PAK4: variants seen among roughly 807,000 people sequenced by gnomAD.
The protein encoded by PAK4 is p21 (RAC1) activated kinase 4.
A neutral mutation model predicts 53.5 loss-of-function variants in PAK4; 49 were observed. The ratio of observed to expected loss-of-function variants is 0.92; its 90% confidence interval spans 0.73 to 1.16. The LOEUF is 1.16. PAK4 is among the 50% of genes most tolerant of loss of function. PAK4 has a pLI of 0.00. For missense variants in PAK4, 824 were observed against 850.7 expected, an observed-to-expected ratio of 0.97 and a Z score of 0.39; for synonymous variants, 376 against 375.6, an observed-to-expected ratio of 1.00 and a Z score of -0.01.
chr19:39,170,277 G>C (rs1189101814), intron 2 of PAK4, among the ~76,000 whole-genome samples: 3 of 152,200 alleles, frequency 2.0e-5, no homozygotes, highest in Non-Finnish European at 4.4e-5. Flanking sequence ...AGGAGGAGGA[G>C]AAATTCCAGC....
chr19:39,162,548 G>A (rs976503249), intron 1 of PAK4, among the ~76,000 whole-genome samples: 3 of 152,130 alleles, frequency 2.0e-5, no homozygotes, highest in African/African-American at 7.2e-5. Context: ...GATTACAGGC[G>A]TGAACCACCG....
In PAK4 at chr19:39,161,113, G is replaced by A. The variant is rs2074277241; in HGVS notation, c.-22-8419G>A. Among the ~76,000 whole-genome samples, 1 of 152,230 alleles carries A rather than the reference G, an allele frequency of 6.6e-6. No homozygotes were observed. The highest frequency in any genetic ancestry group is 2.4e-5 in the African/African-American group (1 of 41,460). On this transcript the variant is annotated intron_variant, in intron 1 of 8. Transcript: ENST00000358301. The surrounding 1 kb of genome is among the most constrained non-coding windows in gnomAD (Gnocchi z 4.5). Reference sequence around the variant, plus strand: ...AGCACTGTTTAGAGGGCTCCGCGTGGCCTGGTCTGTGTGCCTGGCACAGCC... The same window carrying A: ...AGCACTGTTTAGAGGGCTCCGCGTGACCTGGTCTGTGTGCCTGGCACAGCC...
chr19:39,179,056 A>G (rs2144898124), exon 9 of PAK4: 1 of 153,148 alleles, frequency 6.5e-6, no homozygotes, highest in East Asian at 1.9e-4. Flanking sequence ...CCCCTGAGCC[A>G]TTGTGGGGGT....
intron 1 of PAK4, among the ~76,000 whole-genome samples, chr19:39,165,956 C>T (rs2074368934): frequency 6.6e-6 from 1 of 152,152 alleles, no homozygotes; most frequent in Admixed American, 6.5e-5. Flanking sequence ...AATGGCCCCT[C>T]CCTCCAGGAT....
At chr19:39,132,229 C>G (rs2073726217) in intron 1 of PAK4, among the ~76,000 whole-genome samples, 1 of 152,188 alleles carries the variant, frequency 6.6e-6, no homozygotes, top group Non-Finnish European at 1.5e-5. Flanking sequence ...GCACGTTTTT[C>G]CTCCATGTGC....
At chr19:39,181,591 CTCCCA>C (rs1175209097), downstream of PAK4, 1 of 152,398 alleles carries the variant, frequency 6.6e-6, no homozygotes. Context: ...CCACCCTGGA[CTCCCA>C]CCCAGGAGCC....
At chr19:39,130,760 C>CT in intron 1 of PAK4, among the ~76,000 whole-genome samples, 1 of 151,926 alleles carries the variant, frequency 6.6e-6, no homozygotes. Context: ...ACAGCAGGGC[C>CT]TAGCAGAGCC....
At chr19:39,158,182 T>G (rs1328140068) in intron 1 of PAK4, among the ~76,000 whole-genome samples, 1 of 150,650 alleles carries the variant, frequency 6.6e-6, no homozygotes, top group African/African-American at 2.5e-5. Context: ...TGAGTGTGCA[T>G]GTGTGTGAGC....
At chr19:39,140,551 G>A (rs910927996) in intron 1 of PAK4, among the ~76,000 whole-genome samples, 3 of 152,228 alleles carry the variant, frequency 2.0e-5, no homozygotes, top group Admixed American at 2.0e-4. Flanking sequence ...CTGCCTGTCG[G>A]TCAGTAGTTT....
At chr19:39,130,875 G>A (rs913456218) in intron 1 of PAK4, among the ~76,000 whole-genome samples, 5 of 150,734 alleles carry the variant, frequency 3.3e-5, no homozygotes, top group African/African-American at 1.2e-4. Context: ...GCTGTGTGGG[G>A]GACGGATCGC....
Position 39,139,626 on chromosome 19 carries a change from C to A in PAK4, c.-23+13707C>A, listed in dbSNP as rs554988097. Among the ~76,000 whole-genome samples, 5 of 152,290 alleles carry A rather than the reference C, an allele frequency of 3.3e-5. No homozygotes were observed. In the South Asian group the frequency reaches 1.0e-3, roughly 32 times the overall value. On this transcript the variant is annotated intron_variant, in intron 1 of 8. Coordinates refer to ENST00000358301, the Ensembl canonical transcript of PAK4. ...GGCCTTCTGGGTACTGCCCTCCCCC[C>A]ACTCCATCAGTCTGTCTCAGTCTCT...
rs781161118 is a variant in PAK4 at position 39,175,262 on chromosome 19, A to AC, written c.1233-46dup. On this transcript the variant is annotated intron_variant, in intron 5 of 8. Transcript: ENST00000358301. This position sits in a 1 kb window ranked among gnomAD's most constrained non-coding sequence, Gnocchi z 4.7. ...AAGGCAGGGCTGCGTCCCCCTCGGCACCCCGGGGTGCTGTCCAGCTGGCTG... is the reference window on the plus strand; with the variant it reads ...AAGGCAGGGCTGCGTCCCCCTCGGCACCCCCGGGGTGCTGTCCAGCTGGCTG... The AC allele has an allele frequency of 6.6e-7, 1 of 1,519,310 alleles. No homozygotes were observed. Among genetic ancestry groups the AC allele is most frequent in the Admixed American group, 2.0e-5 (1 of 50,470 alleles). The allele number at this position is 1,519,310 out of a possible 1,614,324, so 94.1% of individuals were successfully genotyped here. A position where few individuals can be genotyped will look rare whatever the true frequency, so the allele number is the denominator to read the frequency against.
At chr19:39,141,596 G>A (rs1450208177) in intron 1 of PAK4, among the ~76,000 whole-genome samples, 2 of 151,698 alleles carry the variant, frequency 1.3e-5, no homozygotes, top group South Asian at 4.2e-4. Flanking sequence ...AATTATAGGC[G>A]TGAGCCACCG....
chr19:39,175,396 G>A lies in PAK4; in HGVS notation c.1317G>A (p.Arg439=), dbSNP rs553883486. ...TCCACGCCCAGGGCGTCATCCACCGGGACATCAAGAGCGACTCGATCCTGC... is the reference window on the plus strand; with the variant it reads ...TCCACGCCCAGGGCGTCATCCACCGAGACATCAAGAGCGACTCGATCCTGC... Residue 439 remains arginine, a synonymous_variant, in exon 6 of 9, where the codon CGG becomes CGA. Coordinates refer to ENST00000358301, the Ensembl canonical transcript of PAK4. This position sits in a 1 kb window ranked among gnomAD's most constrained non-coding sequence, Gnocchi z 4.7. 1.1e-5 allele frequency: 18 copies of A among 1,611,968 alleles called. No individual in the cohort carries two copies. Among genetic ancestry groups the A allele is most frequent in the Non-Finnish European group, 1.4e-5 (16 of 1,179,562 alleles).
chr19:39,143,163 TA>T (rs2073937514), intron 1 of PAK4, among the ~76,000 whole-genome samples: 1 of 151,986 alleles, frequency 6.6e-6, no homozygotes, highest in East Asian at 1.9e-4. Flanking sequence ...GTGTTCCCAC[TA>T]GAATGTCAAC....
chr19:39,162,423 A>G (rs1168894945), intron 1 of PAK4, among the ~76,000 whole-genome samples: 1 of 151,908 alleles, frequency 6.6e-6, no homozygotes, highest in East Asian at 1.9e-4. Flanking sequence ...ACCTGGCTAA[A>G]TTTTTATTTA....
rs896678040 is a variant in PAK4 at position 39,159,902 on chromosome 19, C to A, written c.-22-9630C>A. ...GCCCCACTTCCAAAGGCGTCCCCCC[C>A]ACTGGATCTGTGTCTTTATGGGCTT... On this transcript the variant is annotated intron_variant, in intron 1 of 8. Transcript: ENST00000358301. Among the ~76,000 whole-genome samples, 6 of 152,354 alleles carry A rather than the reference C, an allele frequency of 3.9e-5. No individual in the cohort carries two copies. The East Asian group carries it at 5.8e-4, about 15-fold the overall frequency.
At chr19:39,151,230 G>A (rs902519017) in intron 1 of PAK4, among the ~76,000 whole-genome samples, 2 of 152,318 alleles carry the variant, frequency 1.3e-5, no homozygotes, top group East Asian at 1.9e-4. Flanking sequence ...GACACTTAGC[G>A]GAAGAGGACA....
chr19:39,163,113 C>A (rs1024412917), intron 1 of PAK4, among the ~76,000 whole-genome samples: 1 of 152,040 alleles, frequency 6.6e-6, no homozygotes, highest in African/African-American at 2.4e-5. Context: ...AAAGCACATG[C>A]CAGAAGGTAG....
Sources: allele counts gnomAD v4.1 joint callset (sites outside exome capture counted in the v4.1 genomes callset), GRCh38; gene constraint gnomAD v4.1.1; non-coding constraint Gnocchi (gnomAD v3.1); transcripts MANE v1.5; gene names NCBI Gene and HGNC (gene_info 2026-07-23, HGNC 2026-07-21).